METTL4: variants seen among roughly 807,000 people sequenced by gnomAD.
METTL4 encodes N(6)-adenine-specific methyltransferase METTL4.
In METTL4, 40 loss-of-function variants were observed where a neutral mutation model predicts 54.0. That is an observed-to-expected ratio of 0.74 (90% CI 0.58 to 0.96). The LOEUF is 0.96. METTL4 is among the 50% of genes least tolerant of loss of function. The pLI is 0.00. For synonymous variants in METTL4, 169 were observed against 183.8 expected, an observed-to-expected ratio of 0.92 and a Z score of 0.65; for missense variants, 525 against 549.0, an observed-to-expected ratio of 0.96 and a Z score of 0.44.
At position 2,544,825 on chromosome 18, in the gene METTL4, A is replaced by G; in HGVS notation, c.1075-66T>C. 5.0e-6 allele frequency: 5 copies of G among 996,382 alleles called. No homozygotes were observed. In the South Asian group the frequency reaches 5.8e-5, roughly 12 times the overall value. 61.7% of individuals were successfully genotyped at this position (996,382 alleles called of 1,614,324 possible). A position where few individuals can be genotyped will look rare whatever the true frequency, so the allele number is the denominator to read the frequency against. ...ATCACTATAGAGCTTCCACACACAC[A>G]CAAAAGAAATTAAACCTCCAGGCTA... On this transcript the variant is annotated intron_variant, in intron 6 of 8. Coordinates refer to ENST00000574538, the MANE Select transcript of METTL4 (RefSeq NM_022840.5).
intron 8 of METTL4, among the ~76,000 whole-genome samples, chr18:2,543,038 C>T (rs1198146054): frequency 2.0e-5 from 3 of 149,648 alleles, no homozygotes; most frequent in African/African-American, 7.4e-5. Flanking sequence ...GCAGGAGAAT[C>T]ACTTGAACCC....
intron 4 of METTL4, chr18:2,553,717 G>T (rs571913219): frequency 2.6e-5 from 4 of 152,114 alleles, no homozygotes; most frequent in South Asian, 2.1e-4. Flanking sequence ...ATAAACATAG[G>T]TATATTTTTG....
intron 2 of METTL4, among the ~76,000 whole-genome samples, chr18:2,565,254 G>A (rs1041333167): frequency 6.6e-6 from 1 of 152,020 alleles, no homozygotes; most frequent in African/African-American, 2.4e-5. Context: ...GCTCCAGCCT[G>A]GGAAACAGAG....
At chr18:2,549,046 T>C (rs925601426) in intron 5 of METTL4, among the ~76,000 whole-genome samples, 1 of 152,214 alleles carries the variant, frequency 6.6e-6, no homozygotes, top group Non-Finnish European at 1.5e-5. Context: ...TTCAGATCCC[T>C]TGACCAAACT....
At chr18:2,558,416 T>G (rs1213020640) in intron 3 of METTL4, among the ~76,000 whole-genome samples, 4 of 152,074 alleles carry the variant, frequency 2.6e-5, no homozygotes, top group Non-Finnish European at 5.9e-5. Context: ...AACTTTTTAT[T>G]GAATCAAAAT....
intron 8 of METTL4, among the ~76,000 whole-genome samples, chr18:2,542,192 C>T (rs2072001518): frequency 6.9e-6 from 1 of 144,628 alleles, no homozygotes; most frequent in Admixed American, 6.8e-5. Flanking sequence ...TGCTTTAGGG[C>T]AAGACTCATT....
rs532292883 is a variant in METTL4, at chr18:2,564,131, C to T, written c.397-272G>A. Among the ~76,000 whole-genome samples the T allele has an allele frequency of 5.2e-4, 79 of 152,054 alleles. No individual in the cohort carries two copies. The South Asian group carries it at 8.7e-3, about 17-fold the overall frequency. On this transcript the variant is annotated intron_variant, in intron 2 of 8. Coordinates refer to ENST00000574538, the MANE Select transcript of METTL4 (RefSeq NM_022840.5). ...AATAAGAACTAGTTCTGGCCGGGCA[C>T]GGTGGCTCACGCCTGTAATCCCAGC...
At chr18:2,558,664 A>G (rs2072272793) in intron 3 of METTL4, among the ~76,000 whole-genome samples, 1 of 152,110 alleles carries the variant, frequency 6.6e-6, no homozygotes, top group African/African-American at 2.4e-5. Context: ...TGGAAAACAC[A>G]GAGACAGTAA....
intron 1 of METTL4, among the ~76,000 whole-genome samples, chr18:2,568,174 T>G (rs2072449242): frequency 6.6e-6 from 1 of 152,224 alleles, no homozygotes; most frequent in Non-Finnish European, 1.5e-5. Flanking sequence ...GAGATTATGA[T>G]GTACATTGGT....
rs968558555 is a variant in METTL4 at position 2,547,635 on chromosome 18, C to T, written c.900-106G>A. On this transcript the variant is annotated intron_variant, in intron 5 of 8. Transcript: ENST00000574538. ...AGACTCCACAAATGCAAAGCTCTTA[C>T]TGCTATTTATTTGTGTAGCAAAATA... 62 of 769,730 alleles carry T rather than the reference C, an allele frequency of 8.1e-5. No individual in the cohort carries two copies. In the African/African-American group the frequency reaches 9.7e-4, roughly 12 times the overall value. The allele number at this position is 769,730 out of a possible 1,614,324, so 47.7% of individuals were successfully genotyped here.
intron 3 of METTL4, among the ~76,000 whole-genome samples, chr18:2,557,319 T>C (rs1307870189): frequency 6.6e-6 from 1 of 151,934 alleles, no homozygotes; most frequent in African/African-American, 2.4e-5. Context: ...ATTTAAAAAA[T>C]AAAAATAAAA....
intron 8 of METTL4, 107 bp from the exon 9 acceptor site, chr18:2,539,252 A>C (rs962823384): frequency 1.1e-6 from 1 of 908,894 alleles, no homozygotes; most frequent in Non-Finnish European, 1.7e-6. Flanking sequence ...TGTTCTTAAA[A>C]GACAGCAAAT....
chr18:2,565,940 G>A (rs774818429), intron 2 of METTL4, among the ~76,000 whole-genome samples: 4 of 151,772 alleles, frequency 2.6e-5, no homozygotes, highest in Admixed American at 2.6e-4. Flanking sequence ...CCAGCTGCTC[G>A]GGAGGCTGAG....
At chr18:2,546,402 T>C (rs2072070828) in intron 6 of METTL4, among the ~76,000 whole-genome samples, 1 of 152,138 alleles carries the variant, frequency 6.6e-6, no homozygotes, top group Non-Finnish European at 1.5e-5. Flanking sequence ...GGTATGTATG[T>C]ATACAAAAAA....
In METTL4 at chr18:2,566,034, A is replaced by G. The variant is rs537420906; in HGVS notation, c.396+787T>C. 3.9e-5 allele frequency among the ~76,000 whole-genome samples: 5 copies of G among 126,872 alleles called. No homozygotes were observed. In the East Asian group the frequency reaches 6.9e-4, roughly 17 times the overall value. 83.2% of individuals were successfully genotyped at this position (126,872 alleles called of 152,430 possible). A position where few individuals can be genotyped will look rare whatever the true frequency, so the allele number is the denominator to read the frequency against. On this transcript the variant is annotated intron_variant, in intron 2 of 8. Transcript: ENST00000574538. ...TGCACTCCAGCTTGGGTGACAGAGCAAGACTCTGTCTCAAATAAATAAATA... is the reference window on the plus strand; with the variant it reads ...TGCACTCCAGCTTGGGTGACAGAGCGAGACTCTGTCTCAAATAAATAAATA...
chr18:2,546,541 T>C (rs1368319621), intron 6 of METTL4, among the ~76,000 whole-genome samples: 1 of 152,060 alleles, frequency 6.6e-6, no homozygotes, highest in Non-Finnish European at 1.5e-5. Flanking sequence ...GATGAAAAAG[T>C]ATACACAAAG....
intron 5 of METTL4, among the ~76,000 whole-genome samples, chr18:2,552,004 C>T (rs2072168435): frequency 6.6e-6 from 1 of 152,004 alleles, no homozygotes; most frequent in Admixed American, 6.6e-5. Context: ...ACCAGCCTGG[C>T]CAATATGGTG....
chr18:2,545,871 A>T lies in METTL4; in HGVS notation c.1075-1112T>A, dbSNP rs74631493. Among the ~76,000 whole-genome samples the T allele has an allele frequency of 0.01, 1,597 of 152,244 alleles. 78 individuals are homozygous for T. The East Asian group carries it at 0.14, about 13-fold the overall frequency. ...AATGCTTCATATAACATAATAGATGATATTTATGTTTTAAATTCTGGTCTT... is the reference window on the plus strand; with the variant it reads ...AATGCTTCATATAACATAATAGATGTTATTTATGTTTTAAATTCTGGTCTT... On this transcript the variant is annotated intron_variant, in intron 6 of 8. Coordinates refer to ENST00000574538, the MANE Select transcript of METTL4 (RefSeq NM_022840.5).
At chr18:2,540,080 A>AT (rs1341100647) in intron 8 of METTL4, 2 of 977,844 alleles carry the variant, frequency 2.0e-6, no homozygotes, top group Non-Finnish European at 2.4e-6. Flanking sequence ...TATTCCTTGT[A>AT]TTATTCAATG....
Sources: gnomAD v4.1 joint callset for allele counts (sites outside exome capture counted in the v4.1 genomes callset) on GRCh38, gnomAD v4.1.1 for gene constraint, MANE v1.5 for transcripts, NCBI Gene and HGNC (gene_info 2026-07-23, HGNC 2026-07-21) for gene names.